PLEKHA7: variants seen among roughly 807,000 people sequenced by gnomAD.
PLEKHA7 encodes pleckstrin homology domain-containing family A member 7.
A neutral mutation model predicts 170.0 loss-of-function variants in PLEKHA7; 104 were observed. The ratio of observed to expected loss-of-function variants is 0.61; its 90% confidence interval spans 0.52 to 0.72. The LOEUF (loss-of-function observed/expected upper bound fraction) is 0.72. PLEKHA7 is among the 30% of genes least tolerant of loss of function. The pLI, the probability that PLEKHA7 is intolerant of heterozygous loss-of-function variation, is 0.00. For missense variants in PLEKHA7, 1,615 were observed against 1,671.7 expected (o/e 0.97, Z 0.59); for synonymous variants, 648 against 660.8 (o/e 0.98, Z 0.30).
At chr11:16,843,646 A>G (rs1331297689) in intron 8 of PLEKHA7, among the ~76,000 whole-genome samples, 1 of 152,250 alleles carries the variant, frequency 6.6e-6, no homozygotes, top group African/African-American at 2.4e-5. Context: ...TGTGCCAATA[A>G]GAACAGAATA....
intron 9 of PLEKHA7, among the ~76,000 whole-genome samples, chr11:16,831,110 G>C (rs1174049519): frequency 6.6e-6 from 1 of 152,172 alleles, no homozygotes; most frequent in East Asian, 1.9e-4. Flanking sequence ...GAAGACTTTG[G>C]GGTTATGAAC....
rs185429119 is a variant in PLEKHA7, at chr11:16,808,184, T to C, written c.2008-4889A>G. Among the ~76,000 whole-genome samples, 11 of 152,354 alleles carry C rather than the reference T, an allele frequency of 7.2e-5. No homozygotes were observed. In the East Asian group the frequency reaches 1.7e-3, roughly 24 times the overall value. On this transcript the variant is annotated intron_variant, in intron 13 of 26. Transcript: ENST00000531066. ...ATGCTGGATGTGCATTAAAAACACC[T>C]AAGGAGTTTGTTTGTTTTAATTAAG...
At chr11:16,870,441 C>G (rs1365105001) in intron 4 of PLEKHA7, among the ~76,000 whole-genome samples, 1 of 151,948 alleles carries the variant, frequency 6.6e-6, no homozygotes, top group Non-Finnish European at 1.5e-5. Flanking sequence ...CCAGCTTGGG[C>G]AACATGGCGA....
Position 16,826,737 on chromosome 11 carries a change from C to T in PLEKHA7, c.873-147G>A, listed in dbSNP as rs575984523. 8 of 734,816 alleles carry T rather than the reference C, an allele frequency of 1.1e-5. No homozygotes were observed. In the African/African-American group the frequency reaches 1.4e-4, roughly 13 times the overall value. The allele number at this position is 734,816 out of a possible 1,614,324, so 45.5% of individuals were successfully genotyped here. On this transcript the variant is annotated intron_variant, in intron 9 of 26. Coordinates refer to ENST00000531066, the MANE Select transcript of PLEKHA7 (RefSeq NM_001329630.2). ...ATGCTCATGTCCTCACTCTGCCTGC[C>T]TAACTTCTGCTCCTTTGGGGATCTG...
chr11:16,956,322 T>C lies in PLEKHA7; in HGVS notation c.221+57667A>G, dbSNP rs56023939. On this transcript the variant is annotated intron_variant, in intron 3 of 26. Transcript: ENST00000531066. ...GCTTGTGCCACCATGCCCAGCCACA[T>C]GCACGTGTTGAATACTCATTCTGTA... 9.0e-3 allele frequency among the ~76,000 whole-genome samples: 1,372 copies of C among 152,324 alleles called. 24 individuals are homozygous for C. The highest frequency in any genetic ancestry group is 0.031 in the African/African-American group (1,282 of 41,582).
intron 3 of PLEKHA7, among the ~76,000 whole-genome samples, chr11:16,963,603 C>T (rs763994108): frequency 2.0e-5 from 3 of 152,128 alleles, no homozygotes. Flanking sequence ...GGGGAACAAA[C>T]GGCCCTACTT....
chr11:16,942,506 C>T (rs1019386849), intron 3 of PLEKHA7, among the ~76,000 whole-genome samples: 1 of 152,246 alleles, frequency 6.6e-6, no homozygotes, highest in Non-Finnish European at 1.5e-5. Context: ...CCTACTTCAA[C>T]TCAGCTGTTG....
At chr11:16,823,792 C>CA (rs1850424570) in intron 10 of PLEKHA7, among the ~76,000 whole-genome samples, 1 of 152,144 alleles carries the variant, frequency 6.6e-6, no homozygotes, top group African/African-American at 2.4e-5. Flanking sequence ...TTGCTCAAGT[C>CA]AAAATTCTAT....
At chr11:16,940,319 C>T (rs932988984) in intron 3 of PLEKHA7, among the ~76,000 whole-genome samples, 101 of 131,118 alleles carry the variant, frequency 7.7e-4, no homozygotes, top group African/African-American at 2.6e-3. Context: ...CAGAGTCTTG[C>T]TCTGTCACCC....
At chr11:16,967,571 T>C (rs928854785) in intron 3 of PLEKHA7, among the ~76,000 whole-genome samples, 1 of 151,990 alleles carries the variant, frequency 6.6e-6, no homozygotes, top group Non-Finnish European at 1.5e-5. Flanking sequence ...AGGCACAGTG[T>C]AGGCACAAGT....
chr11:16,831,014 A>G (rs1333686277), intron 9 of PLEKHA7, among the ~76,000 whole-genome samples: 1 of 152,238 alleles, frequency 6.6e-6, no homozygotes, highest in Non-Finnish European at 1.5e-5. Context: ...TCTTTAAATT[A>G]ATACCAGCAT....
intron 3 of PLEKHA7, among the ~76,000 whole-genome samples, chr11:16,897,229 C>A (rs538682438): frequency 2.0e-5 from 3 of 152,208 alleles, no homozygotes; most frequent in African/African-American, 7.2e-5. Flanking sequence ...TCTTTTACAG[C>A]AAATTCTTTG....
intron 3 of PLEKHA7, among the ~76,000 whole-genome samples, chr11:16,959,638 A>G (rs1175197139): frequency 6.6e-6 from 1 of 152,196 alleles, no homozygotes; most frequent in Non-Finnish European, 1.5e-5. Flanking sequence ...AGATGAGAAT[A>G]ATGAACCTGA....
In PLEKHA7 at chr11:16,806,263, G is replaced by A. The variant is rs183315214; in HGVS notation, c.2008-2968C>T. ...CAGCTCAGAGGACCGTTAAGCTTCT[G>A]AATGTAGCTCTGCTCCAGACAGCCG... On this transcript the variant is annotated intron_variant, in intron 13 of 26. Coordinates refer to ENST00000531066, the MANE Select transcript of PLEKHA7 (RefSeq NM_001329630.2). Among the ~76,000 whole-genome samples the A allele has an allele frequency of 7.9e-5, 12 of 152,354 alleles. No homozygotes were observed. In the East Asian group the frequency reaches 2.3e-3, roughly 29 times the overall value.
intron 3 of PLEKHA7, among the ~76,000 whole-genome samples, chr11:16,962,329 T>C (rs1249269027): frequency 6.6e-6 from 1 of 152,210 alleles, no homozygotes; most frequent in Non-Finnish European, 1.5e-5. Context: ...GTAAAAAGAC[T>C]CTTGGCGACC....
intron 13 of PLEKHA7, among the ~76,000 whole-genome samples, chr11:16,811,117 G>A (rs1849342864): frequency 6.6e-6 from 1 of 152,112 alleles, no homozygotes; most frequent in South Asian, 2.1e-4. Flanking sequence ...ATCCCGCATA[G>A]CTCAAATTCT....
chr11:16,897,468 A>G (rs919618147), intron 3 of PLEKHA7, among the ~76,000 whole-genome samples: 1 of 152,168 alleles, frequency 6.6e-6, no homozygotes, highest in Non-Finnish European at 1.5e-5. Flanking sequence ...AAACAGCTGC[A>G]CTCTGCCAGC....
At chr11:16,781,427 G>A (rs1333921333) in intron 26 of PLEKHA7, among the ~76,000 whole-genome samples, 3 of 152,182 alleles carry the variant, frequency 2.0e-5, no homozygotes, top group Admixed American at 6.5e-5. Flanking sequence ...CAAGCAAGGC[G>A]AGAGGAGGGC....
chr11:16,952,045 T>C (rs1861436113), intron 3 of PLEKHA7, among the ~76,000 whole-genome samples: 1 of 152,262 alleles, frequency 6.6e-6, no homozygotes, highest in Admixed American at 6.5e-5. Context: ...GCACTATATC[T>C]GTGGGGCCCA....
Sources: gnomAD v4.1 joint callset for allele counts (sites outside exome capture counted in the v4.1 genomes callset) on GRCh38, gnomAD v4.1.1 for gene constraint, MANE v1.5 for transcripts, NCBI Gene and HGNC (gene_info 2026-07-23, HGNC 2026-07-21) for gene names.